ABCA13: variants seen among roughly 807,000 people sequenced by gnomAD.
ABCA13 encodes the protein ATP binding cassette subfamily A member 13, also known as ATP-binding cassette sub-family A member 13.
Under a neutral mutation model 478.7 loss-of-function variants are expected in ABCA13, and 476 were observed. The ratio of observed to expected loss-of-function variants is 0.99; its 90% CI spans 0.92 to 1.07. The LOEUF (loss-of-function observed/expected upper bound fraction) is 1.07, where lower values mean the gene tolerates loss of function less well. Among genes scored for constraint, ABCA13 ranks in the 50% least tolerant of loss-of-function variants. ABCA13 has a pLI of 0.00. For missense variants in ABCA13, 6,060 were observed against 5,910.6 expected, an observed-to-expected ratio of 1.03 and a Z score of -0.83; for synonymous variants, 2,252 against 2,158.9, an observed-to-expected ratio of 1.04 and a Z score of -1.20.
chr7:48,589,662 A>G (rs938501045), intron 57 of ABCA13, among the ~76,000 whole-genome samples: 28 of 152,194 alleles, frequency 1.8e-4, no homozygotes, highest in Non-Finnish European at 1.2e-4. Context: ...CTGTGCTGCT[A>G]TAACAGACTG....
intron 55 of ABCA13, among the ~76,000 whole-genome samples, chr7:48,577,119 A>G (rs542257359): frequency 2.4e-4 from 37 of 152,312 alleles, no homozygotes; most frequent in African/African-American, 8.7e-4. Flanking sequence ...TGCATCTGTT[A>G]GAAAAGATTA....
At chr7:48,250,619 C>A (rs1008213112) in intron 15 of ABCA13, among the ~76,000 whole-genome samples, 4 of 152,168 alleles carry the variant, frequency 2.6e-5, no homozygotes, top group African/African-American at 4.8e-5. Context: ...ATGTTAATGG[C>A]TCACCTCTTT....
intron 13 of ABCA13, 142 bp downstream of exon 13, chr7:48,246,172 C>T: frequency 1.1e-6 from 1 of 882,808 alleles, no homozygotes; most frequent in African/African-American, 1.7e-5. Flanking sequence ...GCTCTCTGAA[C>T]TCCAGCTGCC....
At chr7:48,448,209 C>T (rs1824537286) in intron 42 of ABCA13, among the ~76,000 whole-genome samples, 1 of 152,154 alleles carries the variant, frequency 6.6e-6, no homozygotes, top group South Asian at 2.1e-4. Flanking sequence ...GCAAAATTAT[C>T]TCTCGCCCTA....
Position 48,549,046 on chromosome 7 carries a change from C to CT in ABCA13, c.14354+20708dup, listed in dbSNP as rs1275732116. On this transcript the variant is annotated intron_variant, in intron 55 of 61. Coordinates refer to ENST00000435803, the MANE Select transcript of ABCA13 (RefSeq NM_152701.5). ...TTTAGGAGTCATTATTTTTTCTTTACTTTTTTTAAAAAAAATTTACTTTAA... is the reference window on the plus strand; with the variant it reads ...TTTAGGAGTCATTATTTTTTCTTTACTTTTTTTTAAAAAAAATTTACTTTAA... Among the ~76,000 whole-genome samples the CT allele has an allele frequency of 3.3e-5, 5 of 151,716 alleles. No homozygotes were observed. In the East Asian group the frequency reaches 7.7e-4, roughly 23 times the overall value.
chr7:48,392,461 G>C (rs1245038448), intron 38 of ABCA13, among the ~76,000 whole-genome samples: 1 of 152,200 alleles, frequency 6.6e-6, no homozygotes, highest in African/African-American at 2.4e-5. Flanking sequence ...GAAATGAAAA[G>C]AATTCAAAGG....
chr7:48,478,620 G>A (rs1828408790), intron 45 of ABCA13, among the ~76,000 whole-genome samples: 1 of 152,070 alleles, frequency 6.6e-6, no homozygotes, highest in Admixed American at 6.6e-5. Flanking sequence ...GACGCATTCT[G>A]TACTGGGACA....
At chr7:48,625,567 G>C (rs1485109553) in intron 59 of ABCA13, among the ~76,000 whole-genome samples, 1 of 152,286 alleles carries the variant, frequency 6.6e-6, no homozygotes, top group East Asian at 1.9e-4. Context: ...CACCTCACCT[G>C]CTATGTGTAA....
intron 46 of ABCA13, among the ~76,000 whole-genome samples, chr7:48,481,744 G>A (rs910857292): frequency 9.9e-5 from 15 of 151,840 alleles, no homozygotes; most frequent in Non-Finnish European, 1.3e-4. Flanking sequence ...CTGACCTCAG[G>A]TGATCCTCCC....
chr7:48,478,673 A>G (rs1479710133), intron 45 of ABCA13, among the ~76,000 whole-genome samples: 2 of 152,080 alleles, frequency 1.3e-5, no homozygotes, highest in African/African-American at 4.8e-5. Flanking sequence ...TGGAACAGAC[A>G]CTCTCTGTTT....
chr7:48,196,013 C>T (rs966823276), intron 2 of ABCA13, among the ~76,000 whole-genome samples: 15 of 152,018 alleles, frequency 9.9e-5, no homozygotes, highest in Admixed American at 2.0e-4. Context: ...GCAGGAGAAA[C>T]GGGCAAAACA....
At chr7:48,414,149 G>A (rs944691742) in intron 41 of ABCA13, among the ~76,000 whole-genome samples, 9 of 152,202 alleles carry the variant, frequency 5.9e-5, no homozygotes, top group Non-Finnish European at 1.0e-4. Context: ...AAAGGATGCG[G>A]TCACTACATC....
intron 19 of ABCA13, among the ~76,000 whole-genome samples, chr7:48,284,257 CAG>C (rs1797428329): frequency 6.6e-6 from 1 of 152,058 alleles, no homozygotes; most frequent in African/African-American, 2.4e-5. Flanking sequence ...GAGTAAGAAA[CAG>C]AGGGAGAAGT....
At chr7:48,379,664 T>A (rs1184001985) in intron 35 of ABCA13, among the ~76,000 whole-genome samples, 1 of 152,054 alleles carries the variant, frequency 6.6e-6, no homozygotes, top group African/African-American at 2.4e-5. Context: ...TAAAGAGAAA[T>A]GTAGATACTA....
At chr7:48,531,356 A>G (rs531411820) in intron 55 of ABCA13, among the ~76,000 whole-genome samples, 180 of 152,084 alleles carry the variant, frequency 1.2e-3, no homozygotes, top group African/African-American at 4.1e-3. Flanking sequence ...CTATGTGCCT[A>G]TTTTTATACA....
rs138827011 is a variant in ABCA13, at chr7:48,176,747, T to C, written c.69+5195T>C. 4.7e-3 allele frequency among the ~76,000 whole-genome samples: 713 copies of C among 152,242 alleles called. 8 individuals carry two copies. The highest frequency in any genetic ancestry group is 8.1e-3 in the Non-Finnish European group (548 of 68,000). On this transcript the variant is annotated intron_variant, in intron 1 of 61. Coordinates refer to ENST00000435803, the MANE Select transcript of ABCA13 (RefSeq NM_152701.5). ...CCTCTGCCTATCTACCTCCTAGAGA[T>C]CTACCCTGGGGCTAGGTAGGGAGCT...
intron 59 of ABCA13, among the ~76,000 whole-genome samples, chr7:48,636,986 G>T (rs1450586223): frequency 6.6e-6 from 1 of 152,016 alleles, no homozygotes; most frequent in Non-Finnish European, 1.5e-5. Context: ...TTTATTTAAG[G>T]GCTGTATTAC....
At chr7:48,413,032 C>T (rs1208266615) in intron 41 of ABCA13, among the ~76,000 whole-genome samples, 2 of 151,718 alleles carry the variant, frequency 1.3e-5, no homozygotes, top group Non-Finnish European at 2.9e-5. Flanking sequence ...AGGATGGTCT[C>T]GATCCCCTGA....
intron 29 of ABCA13, among the ~76,000 whole-genome samples, chr7:48,347,291 A>C (rs1025326018): frequency 6.6e-6 from 1 of 152,238 alleles, no homozygotes; most frequent in Admixed American, 6.5e-5. Context: ...TGAGTAGACT[A>C]GTACAATATA....
Sources: allele counts gnomAD v4.1 joint callset (sites outside exome capture counted in the v4.1 genomes callset), GRCh38; gene constraint gnomAD v4.1.1; transcripts MANE v1.5; gene names NCBI Gene and HGNC (gene_info 2026-07-23, HGNC 2026-07-21).